FAM227B: variants seen among roughly 807,000 people sequenced by gnomAD.
The protein encoded by FAM227B is family with sequence similarity 227 member B.
A neutral mutation model predicts 73.8 loss-of-function variants in FAM227B; 88 were observed. The observed-to-expected ratio is 1.19, with a 90% confidence interval of 1.00 to 1.42. FAM227B has a LOEUF of 1.42. Among genes scored for constraint, FAM227B ranks in the 40% most tolerant of loss-of-function variants. The pLI is 0.00. For missense variants in FAM227B, 632 were observed against 590.9 expected (o/e 1.07, Z -0.72); for synonymous variants, 210 against 190.5 (o/e 1.10, Z -0.84).
chr15:49,434,796 CTG>C (rs1199806675), intron 11 of FAM227B: 1 of 151,326 alleles, frequency 6.6e-6, no homozygotes, highest in Admixed American at 6.6e-5. Context: ...AATTTGTTCA[CTG>C]TGTATGCTCA....
In FAM227B at chr15:49,408,982, A is replaced by G. The variant is rs147093135; in HGVS notation, c.1013-37583T>C. The stretch of plus-strand genomic sequence containing the variant: ...AGTAAGAATTTGAAATACATATTTT[A>G]TATTTCTTGGATTGCCTTTATGAAG... On this transcript the variant is annotated intron_variant, in intron 11 of 15. Transcript: ENST00000299338. Among the ~76,000 whole-genome samples the G allele has an allele frequency of 5.3e-5, 8 of 152,268 alleles. No individual in the cohort carries two copies. In the East Asian group the frequency reaches 7.7e-4, roughly 15 times the overall value.
chr15:49,422,298 TGAGC>T (rs1796381275), intron 11 of FAM227B: 1 of 171,490 alleles, frequency 5.8e-6, no homozygotes, highest in African/African-American at 2.4e-5. Flanking sequence ...ATACAACACT[TGAGC>T]ACTACTTCAT....
At position 49,367,603 on chromosome 15, in the gene FAM227B, G is replaced by A. The variant is rs1376517157; in HGVS notation, c.1116C>T (p.His372=). 5.8e-6 allele frequency: 9 copies of A among 1,559,294 alleles called. No homozygotes were observed. In the African/African-American group the frequency reaches 1.3e-4, roughly 22 times the overall value. ...TAAACTCTGGACCAGTACTACTATA[G>A]TGCGACTGTAAGAGGAAGAAAATAA... ...SRLSRLATKS[H]YSSTGPEFNR... is the part of the protein sequence containing the mutation. The change falls in exon 13 of 16, where the codon CAC becomes CAT. Residue 372 remains histidine, a synonymous_variant. Transcript: ENST00000299338.
intron 5 of FAM227B, among the ~76,000 whole-genome samples, chr15:49,585,685 A>C (rs909173132): frequency 6.6e-6 from 1 of 151,676 alleles, no homozygotes; most frequent in Non-Finnish European, 1.5e-5. Context: ...CACACCGGGG[A>C]CTGTTGTGGG....
chr15:49,595,935 T>A (rs567865292), intron 3 of FAM227B, among the ~76,000 whole-genome samples: 31 of 148,744 alleles, frequency 2.1e-4, no homozygotes, highest in East Asian at 4.5e-4. Flanking sequence ...ATAATTTTTT[T>A]AAAAATGAAC....
At chr15:49,563,146 G>C (rs1305962926) in intron 9 of FAM227B, among the ~76,000 whole-genome samples, 1 of 152,076 alleles carries the variant, frequency 6.6e-6, no homozygotes, top group Non-Finnish European at 1.5e-5. Context: ...CTCCAGTAGA[G>C]TTTCAGAATA....
intron 11 of FAM227B, among the ~76,000 whole-genome samples, chr15:49,376,527 T>C (rs1169343860): frequency 1.3e-5 from 2 of 152,120 alleles, no homozygotes; most frequent in Non-Finnish European, 2.9e-5. Flanking sequence ...TGTGGCTTTG[T>C]AGCAAGTTTT....
At chr15:49,558,573 T>C (rs760225733) in intron 9 of FAM227B, among the ~76,000 whole-genome samples, 2 of 152,064 alleles carry the variant, frequency 1.3e-5, no homozygotes, top group Non-Finnish European at 2.9e-5. Flanking sequence ...TTTGTGATAT[T>C]CCTTTTGGTT....
At chr15:49,456,533 C>T (rs2053307957) in intron 11 of FAM227B, among the ~76,000 whole-genome samples, 1 of 152,044 alleles carries the variant, frequency 6.6e-6, no homozygotes, top group African/African-American at 2.4e-5. Context: ...AAGCATTCAA[C>T]TGGATATATA....
intron 3 of FAM227B, among the ~76,000 whole-genome samples, chr15:49,591,233 C>G (rs1201476444): frequency 1.3e-5 from 2 of 150,780 alleles, no homozygotes; most frequent in African/African-American, 4.9e-5. Flanking sequence ...CGCCACCATG[C>G]CCGGCTAATT....
At chr15:49,577,901 A>G (rs2075563766) in intron 5 of FAM227B, among the ~76,000 whole-genome samples, 1 of 152,238 alleles carries the variant, frequency 6.6e-6, no homozygotes, top group South Asian at 2.1e-4. Context: ...AAACAAATAG[A>G]TATAAGGGCT....
chr15:49,527,019 T>G (rs555681572), intron 10 of FAM227B, among the ~76,000 whole-genome samples: 21 of 150,376 alleles, frequency 1.4e-4, no homozygotes, highest in African/African-American at 5.1e-4. Context: ...GAGGAGGGAA[T>G]CTCATCTAAC....
intron 9 of FAM227B, among the ~76,000 whole-genome samples, chr15:49,548,076 G>A (rs1403061745): frequency 1.3e-5 from 2 of 152,188 alleles, no homozygotes; most frequent in East Asian, 3.8e-4. Flanking sequence ...TGGTGACAGT[G>A]TGTATCCTTG....
At chr15:49,543,678 G>T (rs368978733) in intron 9 of FAM227B, among the ~76,000 whole-genome samples, 1 of 151,910 alleles carries the variant, frequency 6.6e-6, no homozygotes, top group Non-Finnish European at 1.5e-5. Context: ...GTTGACTTTT[G>T]TATAAGAGAC....
At chr15:49,376,902 A>G (rs1290683519) in intron 11 of FAM227B, among the ~76,000 whole-genome samples, 2 of 151,988 alleles carry the variant, frequency 1.3e-5, no homozygotes, top group Non-Finnish European at 2.9e-5. Context: ...TTTCTATTAA[A>G]AATGTACAAT....
chr15:49,565,692 GTTACC>G (rs1400593465), intron 9 of FAM227B, among the ~76,000 whole-genome samples: 1 of 152,040 alleles, frequency 6.6e-6, no homozygotes, highest in Non-Finnish European at 1.5e-5. Context: ...ACCTGTAAAT[GTTACC>G]TTACAAGGCA....
intron 10 of FAM227B, among the ~76,000 whole-genome samples, chr15:49,517,761 TA>T (rs2059479179): frequency 6.6e-6 from 1 of 152,184 alleles, no homozygotes; most frequent in Admixed American, 6.5e-5. Context: ...AGTGCTCACA[TA>T]ACCAGCACCT....
At chr15:49,474,646 T>G (rs1412803766) in intron 11 of FAM227B, among the ~76,000 whole-genome samples, 1 of 152,040 alleles carries the variant, frequency 6.6e-6, no homozygotes, top group Non-Finnish European at 1.5e-5. Context: ...CCCCAACCCC[T>G]GGGCTGGGGA....
At chr15:49,499,696 A>G (rs2152085525) in intron 11 of FAM227B, among the ~76,000 whole-genome samples, 1 of 152,354 alleles carries the variant, frequency 6.6e-6, no homozygotes, top group East Asian at 1.9e-4. Context: ...GCATCAGTGG[A>G]ACAGAATACA....
Sources: gnomAD v4.1 joint callset for allele counts (sites outside exome capture counted in the v4.1 genomes callset) on GRCh38, gnomAD v4.1.1 for gene constraint, MANE v1.5 for transcripts, NCBI Gene and HGNC (gene_info 2026-07-23, HGNC 2026-07-21) for gene names.